Variants in SNX8 observed in about 807,000 individuals in gnomAD.
SNX8 encodes the protein sorting nexin 8, also known as sorting nexin-8.
A neutral mutation model predicts 51.6 loss-of-function variants in SNX8; 25 were observed. That is an observed-to-expected ratio of 0.48 (90% CI 0.35 to 0.68). SNX8 has a LOEUF of 0.68. SNX8 is among the 30% of genes least tolerant of loss of function. SNX8 has a pLI of 0.00. For synonymous variants in SNX8, 324 were observed against 277.0 expected, an observed-to-expected ratio of 1.17 and a Z score of -1.68; for missense variants, 695 against 624.0, an observed-to-expected ratio of 1.11 and a Z score of -1.21.
intron 1 of SNX8, among the ~76,000 whole-genome samples, chr7:2,333,263 T>A (rs1170189768): frequency 6.6e-6 from 1 of 151,866 alleles, no homozygotes; most frequent in African/African-American, 2.4e-5. Flanking sequence ...GGCCCCCTCT[T>A]TACAAAAAAT....
intron 1 of SNX8, among the ~76,000 whole-genome samples, chr7:2,344,863 G>C (rs1026803391): frequency 6.6e-6 from 1 of 152,182 alleles, no homozygotes; most frequent in Non-Finnish European, 1.5e-5. Flanking sequence ...TTCGAGACCA[G>C]CTTGGCCTTT....
chr7:2,260,212 C>A (rs925010840), intron 7 of SNX8, among the ~76,000 whole-genome samples: 1 of 152,148 alleles, frequency 6.6e-6, no homozygotes, highest in African/African-American at 2.4e-5. Context: ...TCTCTCCTGC[C>A]TCAGCCTCCC....
At chr7:2,293,161 G>A (rs1204031956) in intron 1 of SNX8, among the ~76,000 whole-genome samples, 2 of 149,458 alleles carry the variant, frequency 1.3e-5, no homozygotes, top group Non-Finnish European at 3.0e-5. Flanking sequence ...TAGCACTTTT[G>A]GGAGGCTGAG....
At chr7:2,342,528 G>C (rs1008403231) in intron 1 of SNX8, among the ~76,000 whole-genome samples, 3 of 151,698 alleles carry the variant, frequency 2.0e-5, no homozygotes, top group East Asian at 2.0e-4. Flanking sequence ...AGTGGTGCGG[G>C]GCTGTAGCCA....
intron 1 of SNX8, among the ~76,000 whole-genome samples, chr7:2,344,598 C>G (rs988020276): frequency 3.3e-5 from 4 of 120,978 alleles, no homozygotes; most frequent in East Asian, 2.4e-4. Flanking sequence ...GGTGACAGAG[C>G]GAGACTCCAA....
At chr7:2,297,636 C>T (rs1317153282) in intron 1 of SNX8, among the ~76,000 whole-genome samples, 1 of 148,622 alleles carries the variant, frequency 6.7e-6, no homozygotes, top group Admixed American at 6.8e-5. Flanking sequence ...ATGGAATCAA[C>T]CTAAGTGCCC....
intron 1 of SNX8, among the ~76,000 whole-genome samples, chr7:2,344,447 T>C (rs979284898): frequency 6.8e-6 from 1 of 146,786 alleles, no homozygotes; most frequent in Non-Finnish European, 1.5e-5. Flanking sequence ...CCGTCTCTAC[T>C]AAAAATACAA....
intron 1 of SNX8, among the ~76,000 whole-genome samples, chr7:2,352,838 T>TAA (rs113417386): frequency 4.4e-5 from 6 of 137,058 alleles, no homozygotes; most frequent in Non-Finnish European, 8.0e-5. Flanking sequence ...TCCGTCTAAA[T>TAA]AAAAAAAAAA....
At chr7:2,326,009 A>C (rs1300711520) in intron 1 of SNX8, among the ~76,000 whole-genome samples, 1 of 152,224 alleles carries the variant, frequency 6.6e-6, no homozygotes, top group Non-Finnish European at 1.5e-5. Context: ...TTAACTAAGA[A>C]GACTTCCAAG....
At chr7:2,300,252 A>C (rs1796361960) in intron 1 of SNX8, among the ~76,000 whole-genome samples, 1 of 152,200 alleles carries the variant, frequency 6.6e-6, no homozygotes, top group African/African-American at 2.4e-5. Flanking sequence ...TAACGCGTTT[A>C]AGGGAACTCA....
At chr7:2,296,480 G>A (rs1796275242) in intron 1 of SNX8, among the ~76,000 whole-genome samples, 1 of 151,884 alleles carries the variant, frequency 6.6e-6, no homozygotes, top group South Asian at 2.1e-4. Flanking sequence ...GTCTTCTAGA[G>A]GAGTCTTGAG....
chr7:2,321,932 C>A (rs1417203164), intron 1 of SNX8, among the ~76,000 whole-genome samples: 1 of 150,672 alleles, frequency 6.6e-6, no homozygotes. Flanking sequence ...CCATATTGGC[C>A]AAACTGGTCT....
intron 1 of SNX8, among the ~76,000 whole-genome samples, chr7:2,330,285 C>G (rs1402376512): frequency 1.3e-5 from 2 of 150,724 alleles, no homozygotes; most frequent in African/African-American, 4.9e-5. Flanking sequence ...TTACAGGTGC[C>G]CGCCACCACG....
intron 1 of SNX8, among the ~76,000 whole-genome samples, chr7:2,352,196 GC>G (rs1334753099): frequency 2.6e-5 from 4 of 152,014 alleles, no homozygotes; most frequent in African/African-American, 9.7e-5. Flanking sequence ...ACAGGTGTGA[GC>G]CACCATGCCC....
chr7:2,303,405 TG>T (rs2115189531), intron 1 of SNX8, among the ~76,000 whole-genome samples: 1 of 151,388 alleles, frequency 6.6e-6, no homozygotes, highest in Admixed American at 6.6e-5. Context: ...CCGCCCCTAC[TG>T]GGAAGTGAGG....
At chr7:2,301,921 T>G (rs1796401409) in intron 1 of SNX8, among the ~76,000 whole-genome samples, 1 of 152,144 alleles carries the variant, frequency 6.6e-6, no homozygotes, top group Admixed American at 6.6e-5. Flanking sequence ...CTAAGGAGAA[T>G]GCAGAGCACA....
At chr7:2,267,196 C>A (rs1049500024) in intron 5 of SNX8, among the ~76,000 whole-genome samples, 4 of 152,252 alleles carry the variant, frequency 2.6e-5, no homozygotes, top group African/African-American at 9.6e-5. Context: ...CAGATGTCAG[C>A]ATAATCCCTG....
At chr7:2,260,405 C>T (rs1795307033) in intron 7 of SNX8, among the ~76,000 whole-genome samples, 1 of 152,142 alleles carries the variant, frequency 6.6e-6, no homozygotes, top group Admixed American at 6.6e-5. Flanking sequence ...ACCAAGTTTA[C>T]GGATTTGTGT....
chr7:2,351,122 A>T lies in SNX8; in HGVS notation c.-66+3100T>A, dbSNP rs148243595. Among the ~76,000 whole-genome samples the T allele has an allele frequency of 4.4e-3, 664 of 151,122 alleles. 8 individuals are homozygous for T. The highest frequency in any genetic ancestry group is 0.015 in the African/African-American group (631 of 41,174). ...GACAGAGTGAGACCTTGTCTCAAAA[A>T]CAAAAAGAAAAAAATCTACCCCTGG... On this transcript the variant is annotated intron_variant, in intron 1 of 5. Coordinates refer to the SNX8 transcript ENST00000435336.
Sources: allele counts gnomAD v4.1 joint callset (sites outside exome capture counted in the v4.1 genomes callset), GRCh38; gene constraint gnomAD v4.1.1; transcripts MANE v1.5; gene names NCBI Gene and HGNC (gene_info 2026-07-23, HGNC 2026-07-21).